Variants in EYA1 observed in about 807,000 individuals in gnomAD.
EYA1 encodes the protein protein phosphatase EYA1.
A neutral mutation model predicts 82.0 loss-of-function variants in EYA1; 16 were observed. The ratio of observed to expected loss-of-function variants is 0.20; its 90% CI spans 0.13 to 0.30. The LOEUF (loss-of-function observed/expected upper bound fraction) is 0.30, where lower values mean the gene tolerates loss of function less well. EYA1 is among the 10% of genes least tolerant of loss of function. The pLI is 1.00. For missense variants in EYA1, 633 were observed against 730.7 expected (o/e 0.87, Z 1.54); for synonymous variants, 261 against 264.4 (o/e 0.99, Z 0.12).
intron 3 of EYA1, among the ~76,000 whole-genome samples, chr8:71,341,376 A>C (rs1641213543): frequency 6.6e-6 from 1 of 152,198 alleles, no homozygotes; most frequent in Non-Finnish European, 1.5e-5. Context: ...TCTCTTTCTC[A>C]AACCATGAGG....
chr8:71,355,552 C>T (rs997723278), intron 2 of EYA1, among the ~76,000 whole-genome samples: 1 of 152,126 alleles, frequency 6.6e-6, no homozygotes, highest in Non-Finnish European at 1.5e-5. Flanking sequence ...ATTATGATGT[C>T]GGCTCACTTG....
chr8:71,231,357 TTCTG>T (rs1465470687), intron 12 of EYA1, among the ~76,000 whole-genome samples: 11 of 152,208 alleles, frequency 7.2e-5, no homozygotes, highest in South Asian at 2.1e-4. Context: ...ATGACATGGC[TTCTG>T]TCTTTCTTTC....
intron 2 of EYA1, among the ~76,000 whole-genome samples, chr8:71,416,654 A>G (rs1830868947): frequency 6.6e-6 from 1 of 152,194 alleles, no homozygotes; most frequent in Non-Finnish European, 1.5e-5. Flanking sequence ...TATTATCTAT[A>G]ATCTTGCCCT....
chr8:71,372,251 T>C (rs1309657162), intron 2 of EYA1, among the ~76,000 whole-genome samples: 1 of 152,110 alleles, frequency 6.6e-6, no homozygotes, highest in African/African-American at 2.4e-5. Flanking sequence ...ACTTCTCAAT[T>C]AGAACATGTA....
At chr8:71,365,769 C>T (rs962579664), upstream of EYA1, among the ~76,000 whole-genome samples, 8 of 152,110 alleles carry the variant, frequency 5.3e-5, no homozygotes, top group Non-Finnish European at 1.0e-4. Context: ...TCTTTCCCCA[C>T]CAGCATGAGA....
chr8:71,227,673 AT>A (rs554681782), intron 12 of EYA1, among the ~76,000 whole-genome samples: 2 of 151,300 alleles, frequency 1.3e-5, no homozygotes, highest in African/African-American at 4.9e-5. Context: ...GTCATACATT[AT>A]TTTTTTTTCT....
chr8:71,425,756 T>C (rs927543772), intron 2 of EYA1, among the ~76,000 whole-genome samples: 5 of 152,176 alleles, frequency 3.3e-5, no homozygotes, highest in African/African-American at 1.2e-4. Context: ...ATTGGAATCA[T>C]GTCCCAGTAT....
rs774201991 is a variant in EYA1, at chr8:71,199,395, G to C, written c.1724C>G (p.Ser575Cys). 1 of 1,613,272 alleles carries C rather than the reference G, an allele frequency of 6.2e-7. No individual in the cohort carries two copies. Among genetic ancestry groups the C allele is most frequent in the African/African-American group, 1.3e-5 (1 of 75,038 alleles). The change falls in exon 18 of 18, where the codon TCC becomes TGC. Residue 575 changes from serine (S) to cysteine (C), a missense_variant. Ser to Cys is a moderately radical substitution (Grantham distance 112). Transcript: ENST00000340726. ...KKHAMPFWRI[S>C]SHSDLMALHH... Reference sequence around the variant, plus strand: ...CAGGGCCATGAGGTCCGAGTGGCTGGAGATCCTCCAGAAGGGCATCGCGTG... The same window carrying C: ...CAGGGCCATGAGGTCCGAGTGGCTGCAGATCCTCCAGAAGGGCATCGCGTG...
At chr8:71,271,724 C>T (rs760664282) in intron 10 of EYA1, 34 bp downstream of exon 10, 1 of 1,613,988 alleles carries the variant, frequency 6.2e-7, no homozygotes, top group African/African-American at 1.3e-5. Context: ...ATTAAGACAC[C>T]TTTCTATTCA....
chr8:71,503,306 C>T (rs1811951439), intron 2 of EYA1, among the ~76,000 whole-genome samples: 1 of 152,072 alleles, frequency 6.6e-6, no homozygotes, highest in South Asian at 2.1e-4. Flanking sequence ...AACCCCGTCT[C>T]TACTAAAAAT....
At chr8:71,335,488 A>T (rs1824379564) in intron 3 of EYA1, among the ~76,000 whole-genome samples, 1 of 152,240 alleles carries the variant, frequency 6.6e-6, no homozygotes. Context: ...GGAAAACAAC[A>T]ATCGTGAGAC....
intron 2 of EYA1, among the ~76,000 whole-genome samples, chr8:71,473,366 A>C (rs1242583599): frequency 6.6e-6 from 1 of 151,426 alleles, no homozygotes; most frequent in East Asian, 1.9e-4. Flanking sequence ...AAAAAAAAAA[A>C]AACCCATCAA....
At chr8:71,489,145 C>T (rs1464753385) in intron 2 of EYA1, among the ~76,000 whole-genome samples, 1 of 152,164 alleles carries the variant, frequency 6.6e-6, no homozygotes, top group Admixed American at 6.5e-5. Context: ...AACTGAACTT[C>T]CTGGTGGTCA....
Position 71,353,788 on chromosome 8 carries a change from T to C in EYA1, c.124+994A>G, listed in dbSNP as rs1418065294. On this transcript the variant is annotated intron_variant, in intron 3 of 17. Transcript: ENST00000340726. The stretch of plus-strand genomic sequence containing the variant: ...AAAATTGTGTAATGAAAGATCACCA[T>C]AGTGACTGGGAAATGATGGTTAAGA... 2.6e-5 allele frequency among the ~76,000 whole-genome samples: 4 copies of C among 152,174 alleles called. No homozygotes were observed. In the East Asian group the frequency reaches 5.8e-4, roughly 22 times the overall value.
intron 11 of EYA1, among the ~76,000 whole-genome samples, chr8:71,254,192 A>AAAT (rs1814097449): frequency 2.0e-5 from 3 of 148,932 alleles, no homozygotes; most frequent in African/African-American, 7.5e-5. Flanking sequence ...CTGAAGTTTT[A>AAAT]AAAACAACAA....
intron 2 of EYA1, among the ~76,000 whole-genome samples, chr8:71,420,141 C>A (rs1831064875): frequency 6.6e-6 from 1 of 152,084 alleles, no homozygotes; most frequent in Non-Finnish European, 1.5e-5. Flanking sequence ...AATTTAATCT[C>A]ATTATAAGAG....
chr8:71,260,838 G>C (rs961324580), intron 11 of EYA1, among the ~76,000 whole-genome samples: 1 of 152,180 alleles, frequency 6.6e-6, no homozygotes, highest in South Asian at 2.1e-4. Context: ...TGTTAAGTAT[G>C]CTCAAATCAA....
chr8:71,406,677 A>C (rs1283569109), intron 2 of EYA1, among the ~76,000 whole-genome samples: 12 of 151,962 alleles, frequency 7.9e-5, no homozygotes, highest in Non-Finnish European at 1.8e-4. Context: ...GGCTTAAAAA[A>C]CCGCTCACCA....
chr8:71,510,597 G>T (rs906437784), intron 2 of EYA1, among the ~76,000 whole-genome samples: 6 of 152,162 alleles, frequency 3.9e-5, no homozygotes, highest in Non-Finnish European at 7.3e-5. Context: ...AACAGATCTG[G>T]TGAGAATTCA....
Sources: gnomAD v4.1 joint callset for allele counts (sites outside exome capture counted in the v4.1 genomes callset) on GRCh38, gnomAD v4.1.1 for gene constraint, MANE v1.5 for transcripts, NCBI Gene and HGNC (gene_info 2026-07-23, HGNC 2026-07-21) for gene names.